UNC5D: variants seen among roughly 807,000 people sequenced by gnomAD.
UNC5D encodes netrin receptor UNC5D.
UNC5D carries 39 observed loss-of-function variants against 105.4 expected under a neutral mutation model. The observed-to-expected ratio is 0.37, with a 90% CI of 0.29 to 0.48. The LOEUF is 0.48. UNC5D is among the 20% of genes least tolerant of loss of function. The probability of loss-of-function intolerance (pLI) is 0.98; values close to 1 mark genes in which losing one functional copy is unlikely to be tolerated. For missense variants in UNC5D, 991 were observed against 1,202.4 expected (o/e 0.82, Z 2.60); for synonymous variants, 452 against 450.4 (o/e 1.00, Z -0.04).
At chr8:35,464,349 A>T (rs1007411885) in intron 1 of UNC5D, among the ~76,000 whole-genome samples, 5 of 152,166 alleles carry the variant, frequency 3.3e-5, no homozygotes, top group South Asian at 2.1e-4. Flanking sequence ...ATAATAATAA[A>T]AAAGAAAACA....
intron 1 of UNC5D, among the ~76,000 whole-genome samples, chr8:35,437,750 T>C (rs1807120392): frequency 6.6e-6 from 1 of 152,068 alleles, no homozygotes; most frequent in Admixed American, 6.6e-5. Context: ...GTTGTTATGA[T>C]CTTTGTCATT....
intron 4 of UNC5D, among the ~76,000 whole-genome samples, chr8:35,673,428 A>G (rs1329846036): frequency 6.6e-6 from 1 of 152,194 alleles, no homozygotes; most frequent in Non-Finnish European, 1.5e-5. Flanking sequence ...ATTAAAGAGT[A>G]GCCTTTCACA....
At chr8:35,437,855 C>A (rs565277449) in intron 1 of UNC5D, among the ~76,000 whole-genome samples, 1 of 146,806 alleles carries the variant, frequency 6.8e-6, no homozygotes, top group Non-Finnish European at 1.5e-5. Flanking sequence ...TTCTTCTGAG[C>A]GGTTGATTTT....
At chr8:35,239,795 A>T (rs1463255007) in intron 1 of UNC5D, among the ~76,000 whole-genome samples, 2 of 152,194 alleles carry the variant, frequency 1.3e-5, no homozygotes, top group African/African-American at 4.8e-5. Context: ...GCTCAACAGA[A>T]TAGATCAATG....
chr8:35,252,652 C>T (rs924632357), intron 1 of UNC5D, among the ~76,000 whole-genome samples: 5 of 152,032 alleles, frequency 3.3e-5, no homozygotes, highest in South Asian at 2.1e-4. Flanking sequence ...TTTAGTTATT[C>T]ATTTTGTTGT....
At chr8:35,309,896 A>T (rs1256271208) in intron 1 of UNC5D, among the ~76,000 whole-genome samples, 1 of 152,242 alleles carries the variant, frequency 6.6e-6, no homozygotes, top group Non-Finnish European at 1.5e-5. Flanking sequence ...AATTGTGAGA[A>T]TCTTCAACCT....
intron 4 of UNC5D, among the ~76,000 whole-genome samples, chr8:35,678,268 C>CCCTCACATCTGCAGTTGAGATA (rs1288823046): frequency 2.0e-5 from 3 of 152,086 alleles, no homozygotes; most frequent in Non-Finnish European, 2.9e-5. Flanking sequence ...ATCTTAGGGT[C>CCCTCACATCTGCAGTTGAGATA]CCTCACATCT....
rs1827903344 is a variant in UNC5D at position 35,710,941 on chromosome 8, T to TGTTTTGTTTTGTTTTGTTTTGTTTTG, written c.1117+4980_1117+4981insGTTTTGTTTTGTTTTGTTTTGTTTTG. 4.7e-4 allele frequency among the ~76,000 whole-genome samples: 58 copies of TGTTTTGTTTTGTTTTGTTTTGTTTTG among 123,794 alleles called. 5 individuals are homozygous for TGTTTTGTTTTGTTTTGTTTTGTTTTG. Among genetic ancestry groups the TGTTTTGTTTTGTTTTGTTTTGTTTTG allele is most frequent in the African/African-American group, 2.3e-3 (52 of 22,948 alleles). The allele number at this position is 123,794 out of a possible 152,430, so 81.2% of individuals were successfully genotyped here. On this transcript the variant is annotated intron_variant, in intron 8 of 16. Transcript: ENST00000404895. ...CAGTAGCTCAGCATTATTCTTTTTTTTTTTTTTTTTTTTTTGAGACGGAGT... is the reference window on the plus strand; with the variant it reads ...CAGTAGCTCAGCATTATTCTTTTTTTGTTTTGTTTTGTTTTGTTTTGTTTTGTTTTTTTTTTTTTTTGAGACGGAGT...
chr8:35,558,802 G>A (rs909516303), intron 2 of UNC5D, among the ~76,000 whole-genome samples: 3 of 152,150 alleles, frequency 2.0e-5, no homozygotes, highest in African/African-American at 4.8e-5. Context: ...GGCCAACAAG[G>A]CAAAACCTCA....
chr8:35,603,769 G>A (rs915414879), intron 4 of UNC5D, among the ~76,000 whole-genome samples: 5 of 152,162 alleles, frequency 3.3e-5, no homozygotes, highest in African/African-American at 7.2e-5. Context: ...AGTTCTTCTT[G>A]TTGAATTGAT....
chr8:35,683,612 T>C lies in UNC5D; in HGVS notation c.636T>C (p.Ala212=). The C allele has an allele frequency of 6.3e-7, 1 of 1,581,658 alleles. No homozygotes were observed. Among genetic ancestry groups the C allele is most frequent in the Non-Finnish European group, 8.6e-7 (1 of 1,168,702 alleles). The change falls in exon 5 of 17, where the codon GCT becomes GCC. Residue 212 remains alanine, a synonymous_variant. Coordinates refer to ENST00000404895, the MANE Select transcript of UNC5D (RefSeq NM_080872.4). The part of the protein sequence containing the change: ...SEQDENIDTR[A]DHNLIIRQAR... ...AAGACGAGAACATTGACACCAGGGC[T>C]GACCATAACCTGATCATCAGGCAGG... is the stretch of plus-strand genomic sequence containing the variant.
chr8:35,396,759 A>C (rs1192919287), intron 1 of UNC5D, among the ~76,000 whole-genome samples: 2 of 150,974 alleles, frequency 1.3e-5, no homozygotes, highest in African/African-American at 4.9e-5. Flanking sequence ...TGGCCTCCCA[A>C]AGTGCTAGGA....
chr8:35,630,931 G>A (rs1351515094), intron 4 of UNC5D, among the ~76,000 whole-genome samples: 1 of 152,208 alleles, frequency 6.6e-6, no homozygotes, highest in African/African-American at 2.4e-5. Context: ...TCATCATTTG[G>A]GAATGAAAGT....
intron 1 of UNC5D, among the ~76,000 whole-genome samples, chr8:35,268,309 A>T (rs1360831102): frequency 6.6e-6 from 1 of 152,088 alleles, no homozygotes; most frequent in Non-Finnish European, 1.5e-5. Context: ...AAAAACGTGG[A>T]TGGAACTGAA....
intron 1 of UNC5D, among the ~76,000 whole-genome samples, chr8:35,337,950 T>G (rs545330593): frequency 2.0e-5 from 3 of 152,358 alleles, no homozygotes; most frequent in Non-Finnish European, 4.4e-5. Flanking sequence ...GCCTTTTGCT[T>G]TCTCATTGCT....
At chr8:35,285,304 T>C (rs941350799) in intron 1 of UNC5D, among the ~76,000 whole-genome samples, 2 of 152,180 alleles carry the variant, frequency 1.3e-5, no homozygotes, top group Admixed American at 1.3e-4. Context: ...GCAAACACCT[T>C]TCCCTGGGTC....
intron 1 of UNC5D, among the ~76,000 whole-genome samples, chr8:35,463,661 C>T (rs967167711): frequency 2.0e-5 from 3 of 151,572 alleles, no homozygotes; most frequent in African/African-American, 4.8e-5. Context: ...TGGCACACAC[C>T]TGCCGTCCCA....
chr8:35,533,919 C>T (rs944434219), intron 1 of UNC5D, among the ~76,000 whole-genome samples: 4 of 152,144 alleles, frequency 2.6e-5, no homozygotes, highest in South Asian at 2.1e-4. Flanking sequence ...GCACGGTGCG[C>T]GCACCCACTG....
At chr8:35,567,498 A>C (rs1202626408) in intron 2 of UNC5D, among the ~76,000 whole-genome samples, 1 of 152,184 alleles carries the variant, frequency 6.6e-6, no homozygotes, top group Non-Finnish European at 1.5e-5. Context: ...GCTTAAAAAA[A>C]AAATACTTAT....
Sources: allele counts gnomAD v4.1 joint callset (sites outside exome capture counted in the v4.1 genomes callset), GRCh38; gene constraint gnomAD v4.1.1; transcripts MANE v1.5; gene names NCBI Gene and HGNC (gene_info 2026-07-23, HGNC 2026-07-21).